Variants in KIAA1217 observed in about 807,000 individuals in gnomAD.
KIAA1217 encodes KIAA1217.
A neutral mutation model predicts 163.9 loss-of-function variants in KIAA1217; 88 were observed. The ratio of observed to expected loss-of-function variants is 0.54; its 90% CI spans 0.45 to 0.64. KIAA1217 has a LOEUF of 0.64. KIAA1217 is among the 30% of genes least tolerant of loss of function. The pLI is 0.00. For synonymous variants in KIAA1217, 903 were observed against 923.1 expected, an observed-to-expected ratio of 0.98 and a Z score of 0.39; for missense variants, 2,372 against 2,475.0, an observed-to-expected ratio of 0.96 and a Z score of 0.88.
At chr10:24,470,968 G>A (rs927599153) in intron 5 of KIAA1217, among the ~76,000 whole-genome samples, 2 of 152,142 alleles carry the variant, frequency 1.3e-5, no homozygotes, top group East Asian at 3.9e-4. Flanking sequence ...TCTCCATGGC[G>A]CTTGGGAGTT....
At chr10:24,397,232 G>C (rs374700169) in intron 3 of KIAA1217, among the ~76,000 whole-genome samples, 1 of 149,480 alleles carries the variant, frequency 6.7e-6, no homozygotes. Flanking sequence ...CCTGTCTACA[G>C]GCATGCAGCA....
At chr10:24,312,464 C>T (rs2042828207) in intron 2 of KIAA1217, among the ~76,000 whole-genome samples, 1 of 151,864 alleles carries the variant, frequency 6.6e-6, no homozygotes, top group Non-Finnish European at 1.5e-5. Flanking sequence ...AAAAGAAATA[C>T]AAAAATTAGC....
intron 9 of KIAA1217, among the ~76,000 whole-genome samples, chr10:24,507,182 A>G (rs2068481945): frequency 6.6e-6 from 1 of 152,240 alleles, no homozygotes; most frequent in African/African-American, 2.4e-5. Context: ...TTAAAGGACA[A>G]AGCTGATCCA....
chr10:23,963,910 T>C (rs1844936913), intron 1 of KIAA1217, among the ~76,000 whole-genome samples: 1 of 151,404 alleles, frequency 6.6e-6, no homozygotes, highest in South Asian at 2.1e-4. Flanking sequence ...TTTTTTTTTT[T>C]TTGAGACAGA....
chr10:24,255,790 G>C (rs918566010), intron 2 of KIAA1217, among the ~76,000 whole-genome samples: 17 of 152,296 alleles, frequency 1.1e-4, no homozygotes, highest in Middle Eastern at 3.4e-3. Flanking sequence ...TTCTCAAGCA[G>C]AGAATGATTG....
At chr10:23,779,059 C>T (rs1835134584) in intron 1 of KIAA1217, among the ~76,000 whole-genome samples, 1 of 152,134 alleles carries the variant, frequency 6.6e-6, no homozygotes, top group African/African-American at 2.4e-5. Context: ...AAGACATTTT[C>T]ATTCAATGTT....
chr10:24,536,687 A>G lies in KIAA1217; in HGVS notation c.3415-87A>G, dbSNP rs564093091. 63 of 1,453,086 alleles carry G rather than the reference A, an allele frequency of 4.3e-5. No individual in the cohort carries two copies. In the East Asian group the frequency reaches 1.1e-3, roughly 26 times the overall value. 90.0% of individuals were successfully genotyped at this position (1,453,086 alleles called of 1,614,324 possible). A position where few individuals can be genotyped will look rare whatever the true frequency, so the allele number is the denominator to read the frequency against. ...GCGTGCAGGACCCGGGTTGGGGTCCACAAGCGTCTGGTTGTTCCTGCCTGT... is the reference window on the plus strand; with the variant it reads ...GCGTGCAGGACCCGGGTTGGGGTCCGCAAGCGTCTGGTTGTTCCTGCCTGT... On this transcript the variant is annotated intron_variant, in intron 16 of 20. Coordinates refer to ENST00000376454, the MANE Select transcript of KIAA1217 (RefSeq NM_019590.5).
At chr10:24,067,856 C>G (rs1267629324) in intron 2 of KIAA1217, among the ~76,000 whole-genome samples, 3 of 152,236 alleles carry the variant, frequency 2.0e-5, no homozygotes, top group African/African-American at 7.2e-5. Flanking sequence ...GTGCCCCTCC[C>G]CCAGCCTCAC....
At chr10:23,818,944 T>A (rs1837492084) in intron 1 of KIAA1217, among the ~76,000 whole-genome samples, 1 of 152,220 alleles carries the variant, frequency 6.6e-6, no homozygotes, top group African/African-American at 2.4e-5. Context: ...CACATCTTAA[T>A]AAAATCTCCC....
rs550262643 is a variant in KIAA1217 at position 24,531,597 on chromosome 10, C to G, written c.3083-233C>G. On this transcript the variant is annotated intron_variant, in intron 14 of 20. Coordinates refer to ENST00000376454, the MANE Select transcript of KIAA1217 (RefSeq NM_019590.5). The stretch of plus-strand genomic sequence containing the variant: ...ACACCCCAGAGGAAAGTATATTATA[C>G]TACCCATTTAACAGATGAGAAAACT... 5.6e-3 allele frequency among the ~76,000 whole-genome samples: 853 copies of G among 152,272 alleles called. 9 individuals carry two copies. Among genetic ancestry groups the G allele is most frequent in the South Asian group, 0.02 (95 of 4,830 alleles).
At chr10:23,713,499 A>C (rs1266165008) in intron 1 of KIAA1217, among the ~76,000 whole-genome samples, 1 of 152,154 alleles carries the variant, frequency 6.6e-6, no homozygotes, top group Non-Finnish European at 1.5e-5. Flanking sequence ...TTGGTGTTTA[A>C]CAGCTTCTTT....
In KIAA1217 at chr10:23,956,116, TC is replaced by T. The variant is rs527907791; in HGVS notation, c.-320-51108del. Among the ~76,000 whole-genome samples the T allele has an allele frequency of 1.4e-3, 219 of 152,308 alleles. 3 individuals carry two copies. The highest frequency in any genetic ancestry group is 4.9e-3 in the African/African-American group (203 of 41,580). ...AGTGAAGACAAATAACTCTCAAAGT[TC>T]TTTTTTTAGGTGAGTCCATAAGGGA... On this transcript the variant is annotated intron_variant, in intron 1 of 18. Transcript: ENST00000376462.
chr10:24,167,344 C>G (rs1304557981), intron 2 of KIAA1217, among the ~76,000 whole-genome samples: 1 of 151,456 alleles, frequency 6.6e-6, no homozygotes, highest in Non-Finnish European at 1.5e-5. Flanking sequence ...AAATATGAAG[C>G]AAACCAATGC....
chr10:24,080,790 T>C (rs1030378082), intron 2 of KIAA1217, among the ~76,000 whole-genome samples: 4 of 149,352 alleles, frequency 2.7e-5, no homozygotes, highest in African/African-American at 7.7e-5. Context: ...ATTCTACTTA[T>C]ACTCTTACAA....
chr10:24,335,795 A>G (rs1345699504), intron 2 of KIAA1217, among the ~76,000 whole-genome samples: 3 of 151,718 alleles, frequency 2.0e-5, no homozygotes, highest in Admixed American at 1.3e-4. Context: ...AATTTTGTAG[A>G]CATAAGAGGT....
rs1197871502 is a variant in KIAA1217, at chr10:24,542,681, C to G, written c.3535-12C>G. The G allele has an allele frequency of 3.1e-6, 5 of 1,612,440 alleles. No homozygotes were observed. Among genetic ancestry groups the G allele is most frequent in the Non-Finnish European group, 4.2e-6 (5 of 1,178,536 alleles). On this transcript the variant is annotated splice_polypyrimidine_tract_variant and intron_variant, in intron 17 of 20. Transcript: ENST00000376454. ...GTTTTGTGGAGTAACATGTCCTACA[C>G]TATTCTACCAGAATTTGGAATTTTT...
intron 5 of KIAA1217, among the ~76,000 whole-genome samples, chr10:24,450,565 A>G (rs1432465958): frequency 6.6e-6 from 1 of 152,252 alleles, no homozygotes; most frequent in Non-Finnish European, 1.5e-5. Flanking sequence ...GTTTCCTTTC[A>G]AAAGTACATG....
At chr10:23,737,514 G>GT (rs537350076) in intron 1 of KIAA1217, among the ~76,000 whole-genome samples, 1 of 152,016 alleles carries the variant, frequency 6.6e-6, no homozygotes, top group South Asian at 2.1e-4. Flanking sequence ...TTTAATAGAA[G>GT]TTTAGTCCTT....
At chr10:24,240,567 T>C (rs544559463) in intron 2 of KIAA1217, among the ~76,000 whole-genome samples, 1 of 152,320 alleles carries the variant, frequency 6.6e-6, no homozygotes, top group African/African-American at 2.4e-5. Context: ...GTTCTGGGCG[T>C]TGAGTTCTGG....
Sources: gnomAD v4.1 joint callset for allele counts (sites outside exome capture counted in the v4.1 genomes callset) on GRCh38, gnomAD v4.1.1 for gene constraint, MANE v1.5 for transcripts, NCBI Gene and HGNC (gene_info 2026-07-23, HGNC 2026-07-21) for gene names.